Variants in ANKS1B observed in about 807,000 individuals in gnomAD.
ANKS1B encodes the protein ankyrin repeat and sterile alpha motif domain containing 1B.
A neutral mutation model predicts 148.3 loss-of-function variants in ANKS1B; 36 were observed. The observed-to-expected ratio is 0.24, with a 90% CI of 0.19 to 0.32. ANKS1B has a LOEUF of 0.32. Among genes scored for constraint, ANKS1B ranks in the 10% least tolerant of loss-of-function variants. The pLI, the probability that ANKS1B is intolerant of heterozygous loss-of-function variation, is 1.00. For missense variants in ANKS1B, 1,157 were observed against 1,542.6 expected (o/e 0.75, Z 4.19); for synonymous variants, 542 against 560.8 (o/e 0.97, Z 0.47).
chr12:99,395,904 A>C (rs1439206718), intron 12 of ANKS1B, among the ~76,000 whole-genome samples: 2 of 152,162 alleles, frequency 1.3e-5, no homozygotes. Context: ...TCATTTATAA[A>C]ATGAAATGTA....
chr12:99,696,369 G>A (rs542764912), intron 8 of ANKS1B, among the ~76,000 whole-genome samples: 1 of 152,176 alleles, frequency 6.6e-6, no homozygotes, highest in East Asian at 1.9e-4. Flanking sequence ...AGACAGTGTG[G>A]TATTGGTGAA....
intron 14 of ANKS1B, among the ~76,000 whole-genome samples, chr12:99,211,071 G>A (rs1005420313): frequency 6.6e-6 from 1 of 152,182 alleles, no homozygotes; most frequent in Non-Finnish European, 1.5e-5. Context: ...AGAAATGCAT[G>A]ATTATGAGGA....
Position 98,744,795 on chromosome 12 carries a change from AT to A in ANKS1B, c.*943del, listed in dbSNP as rs34366930. ...GAAATCTTGACAGCAGGAGCACTAG[AT>A]TTTTTTTTTTTTAACATGTTCTTTA... On this transcript the variant is annotated 3_prime_UTR_variant, in exon 27 of 27. Transcript: ENST00000683438. 23,011 of 705,824 alleles carry A rather than the reference AT, an allele frequency of 0.033. 2 individuals carry two copies. Among genetic ancestry groups the A allele is most frequent in the South Asian group, 0.044 (622 of 14,210 alleles). The allele number at this position is 705,824 out of a possible 1,614,324, so 43.7% of individuals were successfully genotyped here. A position where few individuals can be genotyped will look rare whatever the true frequency, so the allele number is the denominator to read the frequency against.
chr12:99,307,726 T>C (rs1384323998), intron 12 of ANKS1B, among the ~76,000 whole-genome samples: 1 of 151,676 alleles, frequency 6.6e-6, no homozygotes. Context: ...TTTTTTTTTT[T>C]CTTTCAAGAA....
In ANKS1B at chr12:99,944,538, T is replaced by C. The variant is rs77032671; in HGVS notation, c.134+39566A>G. On this transcript the variant is annotated intron_variant, in intron 1 of 26. Coordinates refer to ENST00000683438, the MANE Select transcript of ANKS1B (RefSeq NM_001352186.2). ...AGGATTACACTTTATTTTATTTGTGTATAACCTACATGTGTGGGGGAAATG... is the reference window on the plus strand; with the variant it reads ...AGGATTACACTTTATTTTATTTGTGCATAACCTACATGTGTGGGGGAAATG... Among the ~76,000 whole-genome samples the C allele has an allele frequency of 1.6e-3, 244 of 152,304 alleles. 9 individuals are homozygous for C. In the East Asian group the frequency reaches 0.039, roughly 25 times the overall value.
At chr12:99,380,132 G>T (rs1170200288) in intron 12 of ANKS1B, among the ~76,000 whole-genome samples, 1 of 152,152 alleles carries the variant, frequency 6.6e-6, no homozygotes, top group African/African-American at 2.4e-5. Context: ...AAGCTCAGAG[G>T]TCTACCACAG....
intron 15 of ANKS1B, among the ~76,000 whole-genome samples, chr12:99,103,291 A>T (rs1479506649): frequency 6.6e-6 from 1 of 152,140 alleles, no homozygotes; most frequent in Non-Finnish European, 1.5e-5. Context: ...ACTCCCTCAT[A>T]ACAATTCCCC....
intron 11 of ANKS1B, among the ~76,000 whole-genome samples, chr12:99,432,446 C>T (rs767882933): frequency 6.6e-6 from 1 of 151,644 alleles, no homozygotes; most frequent in Non-Finnish European, 1.5e-5. Context: ...AAATTGAGCA[C>T]TTTATAAAAC....
intron 9 of ANKS1B, among the ~76,000 whole-genome samples, chr12:99,524,981 A>G (rs2096912424): frequency 6.6e-6 from 1 of 152,194 alleles, no homozygotes; most frequent in Non-Finnish European, 1.5e-5. Flanking sequence ...CAGCTCATAG[A>G]AGCTGGAAAA....
At chr12:98,947,968 CA>C (rs1472666250) in intron 17 of ANKS1B, among the ~76,000 whole-genome samples, 1 of 152,038 alleles carries the variant, frequency 6.6e-6, no homozygotes, top group Admixed American at 6.6e-5. Context: ...AGCTCTTCAT[CA>C]GGAACAGAAT....
intron 9 of ANKS1B, among the ~76,000 whole-genome samples, chr12:99,650,902 G>GATAACCC (rs4016015): frequency 0.63 from 94,957 of 151,220 alleles, 31,006 homozygotes; most frequent in East Asian, 0.98. Flanking sequence ...CACATGGTTT[G>GATAACCC]AGAACCAGAA....
intron 4 of ANKS1B, among the ~76,000 whole-genome samples, chr12:99,790,573 A>G (rs1293246267): frequency 6.6e-6 from 1 of 152,168 alleles, no homozygotes; most frequent in Non-Finnish European, 1.5e-5. Flanking sequence ...AGAGAATGAA[A>G]TAAGACATAA....
intron 14 of ANKS1B, among the ~76,000 whole-genome samples, chr12:99,213,427 C>T (rs548672192): frequency 1.3e-5 from 2 of 152,138 alleles, no homozygotes; most frequent in African/African-American, 2.4e-5. Context: ...TGGCAACTCC[C>T]GAAGTCTAGC....
chr12:98,738,519 C>G (rs1374473397), intron 9 of ANKS1B, among the ~76,000 whole-genome samples: 1 of 152,174 alleles, frequency 6.6e-6, no homozygotes, highest in South Asian at 2.1e-4. Context: ...CCGCTCCACT[C>G]GAGGCACTGC....
intron 8 of ANKS1B, among the ~76,000 whole-genome samples, chr12:99,716,138 AC>A (rs1399501684): frequency 1.3e-5 from 2 of 150,466 alleles, no homozygotes; most frequent in South Asian, 2.1e-4. Flanking sequence ...GGGTGCAAGA[AC>A]CCCCCGATCC....
At chr12:99,440,317 A>G (rs78584120) in intron 11 of ANKS1B, among the ~76,000 whole-genome samples, 2 of 151,988 alleles carry the variant, frequency 1.3e-5, no homozygotes, top group Non-Finnish European at 2.9e-5. Context: ...TTTCACGAGG[A>G]ACTATTTTAA....
At chr12:98,795,088 A>G in intron 22 of ANKS1B, 2 of 577,346 alleles carry the variant, frequency 3.5e-6, no homozygotes, top group African/African-American at 1.9e-5. Context: ...TGATTAAAAT[A>G]TATTTTTCCT....
chr12:98,794,552 G>T, intron 22 of ANKS1B: 1 of 695,510 alleles, frequency 1.4e-6, no homozygotes, highest in Non-Finnish European at 2.6e-6. Flanking sequence ...ATGTTCATCC[G>T]CAATGATTGC....
At chr12:99,063,404 T>C (rs2043071278) in intron 16 of ANKS1B, among the ~76,000 whole-genome samples, 1 of 152,212 alleles carries the variant, frequency 6.6e-6, no homozygotes, top group South Asian at 2.1e-4. Flanking sequence ...AATGCAGGTC[T>C]ATCAAGTAGT....
Sources: gnomAD v4.1 joint callset for allele counts (sites outside exome capture counted in the v4.1 genomes callset) on GRCh38, gnomAD v4.1.1 for gene constraint, MANE v1.5 for transcripts, NCBI Gene and HGNC (gene_info 2026-07-23, HGNC 2026-07-21) for gene names.